CFAP54: variants seen among roughly 807,000 people sequenced by gnomAD.
CFAP54 encodes the protein cilia and flagella associated protein 54.
In CFAP54, 290 loss-of-function variants were observed where a neutral mutation model predicts 370.4. That is an observed-to-expected ratio of 0.78 (90% confidence interval 0.71 to 0.86). The LOEUF is 0.86. CFAP54 is among the 40% of genes least tolerant of loss of function. The probability of loss-of-function intolerance (pLI) is 0.00; values close to 1 mark genes in which losing one functional copy is unlikely to be tolerated. For missense variants in CFAP54, 3,399 were observed against 3,528.7 expected (o/e 0.96, Z 0.93); for synonymous variants, 1,206 against 1,236.5 (o/e 0.98, Z 0.52).
At position 96,753,817 on chromosome 12, in the gene CFAP54, C is replaced by A; in HGVS notation, c.7759C>A (p.Leu2587Met). The A allele has an allele frequency of 6.2e-7, 1 of 1,614,026 alleles. No individual in the cohort carries two copies. The highest frequency in any genetic ancestry group is 8.5e-7 in the Non-Finnish European group (1 of 1,179,938). Residue 2587 changes from leucine (L) to methionine (M), a missense_variant, in exon 56 of 68, where the codon CTG becomes ATG. Leu to Met is a conservative substitution (Grantham distance 15). Around this residue, in one of 3 missense-constraint regions of CFAP54, gnomAD observed 2,796 missense variants for 2,869.7 expected, o/e 0.97. Coordinates refer to ENST00000524981, the MANE Select transcript of CFAP54 (RefSeq NM_001306084.2). ...CTCGAAGTGGTTACCTGCTCTTCAT[C>A]TGTTTGATGTGGCACTGAAGCTCTG... ...DPSKWLPALH[L>M]FDVALKLCRT...
chr12:96,741,235 C>A (rs1395683290), intron 51 of CFAP54, among the ~76,000 whole-genome samples: 2 of 152,154 alleles, frequency 1.3e-5, no homozygotes, highest in Admixed American at 1.3e-4. Flanking sequence ...GGCACAGTGT[C>A]GGCTTACTGC....
intron 45 of CFAP54, among the ~76,000 whole-genome samples, chr12:96,697,198 T>C (rs1254080713): frequency 6.6e-6 from 1 of 152,202 alleles, no homozygotes; most frequent in African/African-American, 2.4e-5. Flanking sequence ...AAAATATATG[T>C]CCATTATTTA....
intron 45 of CFAP54, among the ~76,000 whole-genome samples, chr12:96,695,831 A>G (rs1215000673): frequency 2.6e-5 from 4 of 152,238 alleles, no homozygotes. Flanking sequence ...ACATTTATTG[A>G]GTACTTTCTA....
At chr12:96,521,775 C>A (rs1006457311) in intron 6 of CFAP54, 82 bp from the exon 7 acceptor site, 44 of 1,037,720 alleles carry the variant, frequency 4.2e-5, no homozygotes, top group Non-Finnish European at 5.6e-5. Flanking sequence ...AATCAAATGC[C>A]TGGGAGAACA....
At chr12:96,615,448 A>G (rs1410776466) in intron 26 of CFAP54, among the ~76,000 whole-genome samples, 1 of 152,230 alleles carries the variant, frequency 6.6e-6, no homozygotes, top group Non-Finnish European at 1.5e-5. Context: ...GGACATAGGC[A>G]TGGGCAAGGA....
chr12:96,833,836 T>C (rs1385238136), intron 66 of CFAP54, among the ~76,000 whole-genome samples: 1 of 152,132 alleles, frequency 6.6e-6, no homozygotes, highest in African/African-American at 2.4e-5. Context: ...TAAATACTTA[T>C]TGAGCACATG....
At chr12:96,500,234 A>G (rs1565875692) in intron 1 of CFAP54, among the ~76,000 whole-genome samples, 3 of 152,220 alleles carry the variant, frequency 2.0e-5, no homozygotes, top group Admixed American at 2.0e-4. Context: ...TCCAACTATG[A>G]CATTTTGGAA....
chr12:96,793,384 T>G (rs1204785029), intron 63 of CFAP54, among the ~76,000 whole-genome samples: 1 of 152,052 alleles, frequency 6.6e-6, no homozygotes, highest in Non-Finnish European at 1.5e-5. Flanking sequence ...TTTTTATGGC[T>G]CATTAGTATT....
In CFAP54 at chr12:96,500,879, G is replaced by A; in HGVS notation, c.363G>A (p.Leu121=). ...FNIWTKYAPR[L]PADYYNEKLL... is the part of the protein sequence containing the mutation. Reference sequence around the variant, plus strand: ...TCTGGACTAAATACGCCCCCAGGCTGCCAGCAGACTATTACAACGAAAAGC... The same window carrying A: ...TCTGGACTAAATACGCCCCCAGGCTACCAGCAGACTATTACAACGAAAAGC... The change falls in exon 2 of 68, where the codon CTG becomes CTA. Residue 121 remains leucine (L), a synonymous_variant. Coordinates refer to ENST00000524981, the MANE Select transcript of CFAP54 (RefSeq NM_001306084.2). 6.5e-7 allele frequency: 1 copy of A among 1,535,752 alleles called. No individual in the cohort carries two copies. Among genetic ancestry groups the A allele is most frequent in the Non-Finnish European group, 8.7e-7 (1 of 1,146,686 alleles).
chr12:96,834,894 T>C (rs1168253417), intron 66 of CFAP54, among the ~76,000 whole-genome samples: 1 of 152,188 alleles, frequency 6.6e-6, no homozygotes, highest in African/African-American at 2.4e-5. Context: ...AGGAGCTTTA[T>C]TGAGCAATAG....
At chr12:96,699,849 G>T (rs1380752895) in intron 45 of CFAP54, 122 bp from the exon 46 acceptor site, 2 of 735,208 alleles carry the variant, frequency 2.7e-6, no homozygotes, top group African/African-American at 3.5e-5. Flanking sequence ...AATTCATAAT[G>T]CATTACCAAC....
intron 67 of CFAP54, among the ~76,000 whole-genome samples, chr12:96,868,641 A>T (rs548192458): frequency 6.6e-6 from 1 of 152,204 alleles, no homozygotes; most frequent in East Asian, 1.9e-4. Flanking sequence ...AAGGTAGCTT[A>T]TAAGTATGCA....
At chr12:96,670,941 A>G (rs115849828) in intron 39 of CFAP54, among the ~76,000 whole-genome samples, 1,607 of 152,298 alleles carry the variant, frequency 0.011, 26 homozygotes, top group African/African-American at 0.034. Flanking sequence ...TGTACCTCTC[A>G]TCTTTTCAAT....
chr12:96,507,074 G>A lies in CFAP54; in HGVS notation c.714G>A (p.Glu238=). 1.3e-6 allele frequency: 2 copies of A among 1,532,646 alleles called. No homozygotes were observed. Among genetic ancestry groups the A allele is most frequent in the South Asian group, 1.2e-5 (1 of 83,026 alleles). The allele number at this position is 1,532,646 out of a possible 1,614,324, so 94.9% of individuals were successfully genotyped here. A position where few individuals can be genotyped will look rare whatever the true frequency, so the allele number is the denominator to read the frequency against. The part of the protein sequence containing the change: ...RLIMQVALPQ[E]HLCWIIFNGT... ...TCATGCAAGTGGCTCTGCCACAAGA[G>A]CATCTTTGCTGGATTATCTTCAATG... The change falls in exon 4 of 68, where the codon GAG becomes GAA. Residue 238 remains glutamate, a synonymous_variant. Transcript: ENST00000524981.
At chr12:96,599,778 A>T (rs1390005938) in intron 26 of CFAP54, among the ~76,000 whole-genome samples, 1 of 152,092 alleles carries the variant, frequency 6.6e-6, no homozygotes, top group Non-Finnish European at 1.5e-5. Flanking sequence ...GCATTTTTCC[A>T]TGTGTCTGTT....
chr12:96,560,336 A>G (rs1302935044), intron 17 of CFAP54, among the ~76,000 whole-genome samples: 1 of 152,142 alleles, frequency 6.6e-6, no homozygotes, highest in Non-Finnish European at 1.5e-5. Flanking sequence ...CATGAGGTAA[A>G]CTATTTTTTT....
intron 12 of CFAP54, among the ~76,000 whole-genome samples, chr12:96,537,168 ATT>A (rs1474835943): frequency 6.6e-6 from 1 of 152,098 alleles, no homozygotes; most frequent in Non-Finnish European, 1.5e-5. Flanking sequence ...ATGAATAATA[ATT>A]TTCTTTTGCA....
chr12:96,801,122 A>G lies in CFAP54; in HGVS notation c.8850+8623A>G, dbSNP rs577581164. On this transcript the variant is annotated intron_variant, in intron 63 of 67. Coordinates refer to ENST00000524981, the MANE Select transcript of CFAP54 (RefSeq NM_001306084.2). ...CCCTTTAGTTTATTCACCACATTGA[A>G]GCATAAATACCAATAGGAACTAGGG... Among the ~76,000 whole-genome samples the G allele has an allele frequency of 7.2e-5, 11 of 152,316 alleles. No individual in the cohort carries two copies. In the South Asian group the frequency reaches 2.3e-3, roughly 32 times the overall value.
chr12:96,538,266 T>C (rs1955529610), intron 12 of CFAP54, 118 bp from the exon 13 acceptor site: 6 of 897,398 alleles, frequency 6.7e-6, no homozygotes, highest in Non-Finnish European at 9.9e-6. Context: ...AGGGTCATTA[T>C]GAAGATTCAA....
Sources: gnomAD v4.1 joint callset for allele counts (sites outside exome capture counted in the v4.1 genomes callset) on GRCh38, gnomAD v4.1.1 for gene constraint, gnomAD v4.1.1 regional missense constraint, MANE v1.5 for transcripts, NCBI Gene and HGNC (gene_info 2026-07-23, HGNC 2026-07-21) for gene names.